Variants in SLC15A5 observed in about 807,000 individuals in gnomAD.
SLC15A5 encodes the protein solute carrier family 15 member 5.
Under a neutral mutation model 56.1 loss-of-function variants are expected in SLC15A5, and 58 were observed. The observed-to-expected ratio is 1.03, with a 90% confidence interval of 0.84 to 1.29. The LOEUF (loss-of-function observed/expected upper bound fraction) is 1.29, where lower values mean the gene tolerates loss of function less well. Ranked by LOEUF, SLC15A5 falls within the 50% of genes most tolerant of loss-of-function variation. The probability of loss-of-function intolerance (pLI) is 0.00; values close to 1 mark genes in which losing one functional copy is unlikely to be tolerated. For synonymous variants in SLC15A5, 264 were observed against 250.5 expected, an observed-to-expected ratio of 1.05 and a Z score of -0.51; for missense variants, 681 against 672.1, an observed-to-expected ratio of 1.01 and a Z score of -0.15.
chr12:16,263,263 G>T (rs1864660319), intron 2 of SLC15A5, among the ~76,000 whole-genome samples: 1 of 152,132 alleles, frequency 6.6e-6, no homozygotes, highest in South Asian at 2.1e-4. Context: ...CTGGAACAAA[G>T]GTGACTCTTG....
At position 16,189,635 on chromosome 12, in the gene SLC15A5, G is replaced by C; in HGVS notation, c.*33C>G. On this transcript the variant is annotated 3_prime_UTR_variant, in exon 9 of 9. Transcript: ENST00000344941. ...ACTGAAGAAGAAAACAATGAATACT[G>C]TTCTCATAAGACAGGTAGACTCAAA... 7.0e-7 allele frequency: 1 copy of C among 1,425,342 alleles called. No individual in the cohort carries two copies. The highest frequency in any genetic ancestry group is 9.2e-7 in the Non-Finnish European group (1 of 1,091,524). 88.3% of individuals were successfully genotyped at this position (1,425,342 alleles called of 1,614,324 possible). A position where few individuals can be genotyped will look rare whatever the true frequency, so the allele number is the denominator to read the frequency against.
At chr12:16,256,181 A>G (rs1422081743) in intron 3 of SLC15A5, among the ~76,000 whole-genome samples, 3 of 152,204 alleles carry the variant, frequency 2.0e-5, no homozygotes, top group African/African-American at 7.2e-5. Context: ...AAATAATTAA[A>G]TGTTTATCTT....
rs562678268 is a variant in SLC15A5, at chr12:16,265,604, G to A, written c.584+6957C>T. On this transcript the variant is annotated intron_variant, in intron 2 of 8. Coordinates refer to ENST00000344941, the MANE Select transcript of SLC15A5 (RefSeq NM_001170798.1). Reference sequence around the variant, plus strand: ...AGTGATCCTCTTGCCTCAGCCTCCCGAGTAGCTGGCACCACAGGTGCACAC... The same window carrying A: ...AGTGATCCTCTTGCCTCAGCCTCCCAAGTAGCTGGCACCACAGGTGCACAC... 1.8e-4 allele frequency among the ~76,000 whole-genome samples: 28 copies of A among 152,096 alleles called. No individual in the cohort carries two copies. In the East Asian group the frequency reaches 2.7e-3, roughly 15 times the overall value.
rs534013384 is a variant in SLC15A5 at position 16,244,922 on chromosome 12, C to A, written c.755-122G>T. On this transcript the variant is annotated intron_variant, in intron 3 of 8. Transcript: ENST00000344941. ...AGTGAAGTGAGAAAGTTTTTAGCAC[C>A]CAAGGGGTCGGACTCAAAGGACCAC... The A allele has an allele frequency of 1.0e-5, 11 of 1,058,980 alleles. No individual in the cohort carries two copies. In the South Asian group the frequency reaches 1.8e-4, roughly 17 times the overall value. The allele number at this position is 1,058,980 out of a possible 1,614,324, so 65.6% of individuals were successfully genotyped here. A position where few individuals can be genotyped will look rare whatever the true frequency, so the allele number is the denominator to read the frequency against.
intron 2 of SLC15A5, among the ~76,000 whole-genome samples, chr12:16,266,669 A>T (rs1437006415): frequency 6.6e-6 from 1 of 152,186 alleles, no homozygotes; most frequent in Non-Finnish European, 1.5e-5. Context: ...AAAAAAAAGA[A>T]ATAAAAACCC....
chr12:16,256,398 A>G (rs573120756), intron 3 of SLC15A5, among the ~76,000 whole-genome samples: 2 of 152,198 alleles, frequency 1.3e-5, no homozygotes, highest in Non-Finnish European at 2.9e-5. Flanking sequence ...AAAGTACATA[A>G]TGCCACCTAT....
intron 3 of SLC15A5, among the ~76,000 whole-genome samples, chr12:16,256,391 G>T (rs975583071): frequency 1.2e-4 from 18 of 152,218 alleles, no homozygotes; most frequent in African/African-American, 4.3e-4. Flanking sequence ...CTTAATTAAA[G>T]TACATAATGC....
intron 2 of SLC15A5, among the ~76,000 whole-genome samples, chr12:16,267,707 G>C (rs1316077579): frequency 3.8e-5 from 3 of 78,186 alleles, no homozygotes; most frequent in African/African-American, 1.1e-4. Flanking sequence ...TCATTCTTTT[G>C]CCAACAACCC....
intron 7 of SLC15A5, among the ~76,000 whole-genome samples, chr12:16,197,571 A>T (rs1463617536): frequency 6.6e-6 from 1 of 152,096 alleles, no homozygotes; most frequent in Admixed American, 6.6e-5. Flanking sequence ...TCCCTTACTG[A>T]GTTGTCATGA....
At chr12:16,205,177 A>G (rs1390669217) in intron 7 of SLC15A5, among the ~76,000 whole-genome samples, 2 of 152,068 alleles carry the variant, frequency 1.3e-5, no homozygotes, top group Non-Finnish European at 2.9e-5. Context: ...AAACATTTCA[A>G]TTTTACACTC....
chr12:16,259,911 G>A (rs7300362), intron 2 of SLC15A5, among the ~76,000 whole-genome samples: 67,779 of 146,022 alleles, frequency 0.46, 15,965 homozygotes, highest in South Asian at 0.63. Context: ...CGGGGGGTAA[G>A]TTAGAGCACT....
At position 16,189,939 on chromosome 12, in the gene SLC15A5, C is replaced by T. The variant is rs113746401; in HGVS notation, c.1593-124G>A. On this transcript the variant is annotated intron_variant, in intron 8 of 8. Coordinates refer to ENST00000344941, the MANE Select transcript of SLC15A5 (RefSeq NM_001170798.1). ...CTCATAGATACTGGCACAACAGTGA[C>T]GATTATTTAAGAGCACTGCTCACCA... is the stretch of plus-strand genomic sequence containing the variant. The T allele has an allele frequency of 7.3e-3, 5,148 of 705,530 alleles. 22 individuals are homozygous for T. The highest frequency in any genetic ancestry group is 9.4e-3 in the Non-Finnish European group (4,482 of 477,288). 43.7% of individuals were successfully genotyped at this position (705,530 alleles called of 1,614,324 possible).
At position 16,194,389 on chromosome 12, in the gene SLC15A5, T is replaced by G; in HGVS notation, c.1548A>C (p.Ser516=). 3.3e-6 allele frequency: 5 copies of G among 1,535,564 alleles called. No individual in the cohort carries two copies. The highest frequency in any genetic ancestry group is 4.4e-6 in the Non-Finnish European group (5 of 1,145,690). Residue 516 remains serine, a synonymous_variant, in exon 8 of 9, where the codon TCA becomes TCC. Coordinates refer to ENST00000344941, the MANE Select transcript of SLC15A5 (RefSeq NM_001170798.1). ...NLESFFFFLA[S]LTLLNVLGFC... is the part of the protein sequence containing the mutation. ...ATCCCAGGACGTTCAACAATGTTAA[T>G]GATGCCAGGAAGAAGAAGAAGCTTT...
chr12:16,240,423 T>C (rs972970369), intron 4 of SLC15A5, among the ~76,000 whole-genome samples: 4 of 152,076 alleles, frequency 2.6e-5, no homozygotes, highest in African/African-American at 9.7e-5. Flanking sequence ...AGAGGCTTTG[T>C]TTCCAATGTG....
rs1199541042 is a variant in SLC15A5 at position 16,235,533 on chromosome 12, T to C, written c.1162+4148A>G. ...ATTAGATGATCTACCTCACCTCTGA[T>C]TTAATTCCAACTTGATGTTACATTT... On this transcript the variant is annotated intron_variant, in intron 5 of 8. Transcript: ENST00000344941. This position sits in a 1 kb window ranked among gnomAD's most constrained non-coding sequence, Gnocchi z 4.1. Among the ~76,000 whole-genome samples the C allele has an allele frequency of 6.6e-6, 1 of 152,062 alleles. No homozygotes were observed. The highest frequency in any genetic ancestry group is 6.6e-5 in the Admixed American group (1 of 15,262).
In SLC15A5 at chr12:16,194,434, T is replaced by C. The variant is rs370287706; in HGVS notation, c.1503A>G (p.Thr501=). 85 of 1,534,742 alleles carry C rather than the reference T, an allele frequency of 5.5e-5. No homozygotes were observed. The highest frequency in any genetic ancestry group is 6.8e-5 in the Non-Finnish European group (78 of 1,145,204). The change falls in exon 8 of 9, where the codon ACA becomes ACG. Residue 501 remains threonine (T), a synonymous_variant. Coordinates refer to ENST00000344941, the MANE Select transcript of SLC15A5 (RefSeq NM_001170798.1). ...AGCTTTCTAAATTGCCTTTGTTTAA[T>C]GTGTTTGGAAACCAATTGCCTGTTT... ...LISDGNWFPN[T]LNKGNLESFF...
chr12:16,205,911 G>A lies in SLC15A5; in HGVS notation c.1483+10982C>T, dbSNP rs117961242. Among the ~76,000 whole-genome samples the A allele has an allele frequency of 1.5e-4, 23 of 152,250 alleles. No homozygotes were observed. The East Asian group carries it at 4.1e-3, about 27-fold the overall frequency. Reference sequence around the variant, plus strand: ...TCTCTTCAAAAGATAGTTGGAGACAGTGAGGAATTATTTCCCTCAGACTTC... The same window carrying A: ...TCTCTTCAAAAGATAGTTGGAGACAATGAGGAATTATTTCCCTCAGACTTC... On this transcript the variant is annotated intron_variant, in intron 7 of 8. Transcript: ENST00000344941.
chr12:16,222,340 A>G (rs1373310674), intron 6 of SLC15A5, among the ~76,000 whole-genome samples: 1 of 128,042 alleles, frequency 7.8e-6, no homozygotes, highest in Non-Finnish European at 1.7e-5. Flanking sequence ...TCTGTGCTGT[A>G]CTGTCTCCCA....
intron 1 of SLC15A5, among the ~76,000 whole-genome samples, chr12:16,274,916 A>C (rs1245458847): frequency 6.6e-6 from 1 of 152,112 alleles, no homozygotes; most frequent in Non-Finnish European, 1.5e-5. Context: ...TAAAGAGACA[A>C]AACAATGACA....
Sources: allele counts gnomAD v4.1 joint callset (sites outside exome capture counted in the v4.1 genomes callset), GRCh38; gene constraint gnomAD v4.1.1; non-coding constraint Gnocchi (gnomAD v3.1); transcripts MANE v1.5; gene names NCBI Gene and HGNC (gene_info 2026-07-23, HGNC 2026-07-21).